Variants in LRRC4C observed in about 807,000 individuals in gnomAD.
The protein encoded by LRRC4C is leucine rich repeat containing 4C.
In LRRC4C, 5 loss-of-function variants were observed where a neutral mutation model predicts 33.6. The observed-to-expected ratio is 0.15, with a 90% CI of 0.08 to 0.31. LRRC4C has a LOEUF of 0.31. LRRC4C is among the 10% of genes least tolerant of loss of function. The pLI, the probability that LRRC4C is intolerant of heterozygous loss-of-function variation, is 1.00. For synonymous variants in LRRC4C, 329 were observed against 302.0 expected, an observed-to-expected ratio of 1.09 and a Z score of -0.93; for missense variants, 560 against 796.7, an observed-to-expected ratio of 0.70 and a Z score of 3.58.
At chr11:40,233,704 T>C (rs544187259) in intron 5 of LRRC4C, among the ~76,000 whole-genome samples, 7 of 152,302 alleles carry the variant, frequency 4.6e-5, no homozygotes, top group Non-Finnish European at 7.4e-5. Flanking sequence ...AACAATGACA[T>C]GTTTAAAAGC....
chr11:41,363,352 T>C (rs1952423051), intron 1 of LRRC4C, among the ~76,000 whole-genome samples: 1 of 152,238 alleles, frequency 6.6e-6, no homozygotes, highest in South Asian at 2.1e-4. Context: ...AAACATCCAT[T>C]CTGAAATTTG....
At chr11:40,776,780 G>A (rs1950016265) in intron 2 of LRRC4C, among the ~76,000 whole-genome samples, 1 of 151,942 alleles carries the variant, frequency 6.6e-6, no homozygotes, top group Non-Finnish European at 1.5e-5. Flanking sequence ...TTTGGGGTTA[G>A]TTTGTTATTA....
intron 3 of LRRC4C, among the ~76,000 whole-genome samples, chr11:40,517,187 C>A (rs1238415702): frequency 3.9e-5 from 6 of 152,124 alleles, no homozygotes; most frequent in African/African-American, 1.4e-4. Context: ...AATTTACTGG[C>A]AGAAAATACA....
intron 1 of LRRC4C, among the ~76,000 whole-genome samples, chr11:41,404,527 GACAC>G (rs1222418245): frequency 7.2e-5 from 5 of 69,388 alleles, no homozygotes; most frequent in Non-Finnish European, 8.4e-5. Context: ...CAGACACAAA[GACAC>G]ACAGACACAC....
At chr11:41,374,243 T>C (rs1026340439) in intron 1 of LRRC4C, among the ~76,000 whole-genome samples, 1 of 152,174 alleles carries the variant, frequency 6.6e-6, no homozygotes, top group Non-Finnish European at 1.5e-5. Flanking sequence ...ATCCTTTACC[T>C]GAGAAATACT....
intron 1 of LRRC4C, among the ~76,000 whole-genome samples, chr11:41,377,520 A>G (rs997340690): frequency 2.0e-5 from 3 of 152,192 alleles, no homozygotes; most frequent in African/African-American, 7.2e-5. Context: ...ACCGATAGAT[A>G]TTTGAGGTAG....
intron 1 of LRRC4C, among the ~76,000 whole-genome samples, chr11:41,105,020 C>G (rs187471660): frequency 1.3e-3 from 194 of 151,948 alleles, no homozygotes; most frequent in African/African-American, 4.4e-3. Context: ...ATGGACATAT[C>G]ACTGTAAATT....
intron 1 of LRRC4C, among the ~76,000 whole-genome samples, chr11:41,358,673 C>T (rs982878460): frequency 9.9e-5 from 15 of 152,030 alleles, no homozygotes; most frequent in Admixed American, 5.9e-4. Context: ...ATTAAAACAA[C>T]GATGAGATAT....
intron 2 of LRRC4C, among the ~76,000 whole-genome samples, chr11:40,654,771 T>C (rs1442882932): frequency 6.6e-6 from 1 of 152,174 alleles, no homozygotes; most frequent in Non-Finnish European, 1.5e-5. Context: ...TGATATTGTT[T>C]GGCTCTGTGT....
At chr11:41,374,322 A>G (rs1346897708) in intron 1 of LRRC4C, among the ~76,000 whole-genome samples, 1 of 152,234 alleles carries the variant, frequency 6.6e-6, no homozygotes, top group Non-Finnish European at 1.5e-5. Flanking sequence ...CAATTTTAGA[A>G]CAGATGTGAG....
chr11:40,851,214 C>T (rs534173320), intron 2 of LRRC4C, among the ~76,000 whole-genome samples: 4 of 152,020 alleles, frequency 2.6e-5, no homozygotes, highest in East Asian at 1.9e-4. Context: ...AGCTTGGCTT[C>T]TGCCCAATCA....
intron 5 of LRRC4C, among the ~76,000 whole-genome samples, chr11:40,169,638 A>C (rs999955651): frequency 6.6e-6 from 1 of 152,200 alleles, no homozygotes; most frequent in African/African-American, 2.4e-5. Context: ...GTTGGGAAAG[A>C]CAAGGCACAT....
At chr11:40,370,788 A>G (rs928350062) in intron 3 of LRRC4C, among the ~76,000 whole-genome samples, 3 of 152,246 alleles carry the variant, frequency 2.0e-5, no homozygotes, top group Admixed American at 6.5e-5. Context: ...TTTATTTTCC[A>G]TGAGATGAAA....
At chr11:40,990,200 C>T (rs989962873) in intron 1 of LRRC4C, among the ~76,000 whole-genome samples, 8 of 127,394 alleles carry the variant, frequency 6.3e-5, no homozygotes, top group African/African-American at 2.3e-4. Flanking sequence ...GTAATAAAAT[C>T]TATCAAAATA....
intron 5 of LRRC4C, among the ~76,000 whole-genome samples, chr11:40,210,843 G>T (rs1863547574): frequency 6.6e-6 from 1 of 152,182 alleles, no homozygotes; most frequent in Non-Finnish European, 1.5e-5. Flanking sequence ...CATCATCTCA[G>T]GTCACTGCAA....
intron 3 of LRRC4C, among the ~76,000 whole-genome samples, chr11:40,528,620 C>T (rs1029172364): frequency 2.0e-5 from 3 of 152,116 alleles, no homozygotes; most frequent in South Asian, 4.2e-4. Flanking sequence ...CCATATGATA[C>T]AGCAATCTTA....
chr11:40,806,490 T>A (rs11036083), intron 2 of LRRC4C, among the ~76,000 whole-genome samples: 15,192 of 152,142 alleles, frequency 0.1, 2,142 homozygotes, highest in African/African-American at 0.32. Context: ...TTTTAGGACT[T>A]AACCTCTGAA....
chr11:41,165,164 G>A (rs1042183229), intron 1 of LRRC4C, among the ~76,000 whole-genome samples: 3 of 151,990 alleles, frequency 2.0e-5, no homozygotes, highest in African/African-American at 7.3e-5. Flanking sequence ...CCACAATCGC[G>A]ATGGCCCCCT....
At chr11:41,188,890 A>C (rs542650794) in intron 1 of LRRC4C, among the ~76,000 whole-genome samples, 2 of 139,486 alleles carry the variant, frequency 1.4e-5, no homozygotes, top group Non-Finnish European at 1.5e-5. Flanking sequence ...TTTTAGCACA[A>C]AACAGGACCT....
Sources: allele counts gnomAD v4.1 joint callset (sites outside exome capture counted in the v4.1 genomes callset), GRCh38; gene constraint gnomAD v4.1.1; transcripts MANE v1.5; gene names NCBI Gene and HGNC (gene_info 2026-07-23, HGNC 2026-07-21).